The following DGKB variants were observed in gnomAD, a reference collection of about 807,000 sequenced individuals.
DGKB encodes the protein diacylglycerol kinase beta, also known as 90 kDa diacylglycerol kinase.
DGKB carries 67 observed loss-of-function variants against 114.3 expected under a neutral mutation model. That is an observed-to-expected ratio of 0.59 (90% confidence interval 0.48 to 0.72). The LOEUF (loss-of-function observed/expected upper bound fraction) is 0.72. DGKB is among the 30% of genes least tolerant of loss of function. The probability of loss-of-function intolerance (pLI) is 0.00; values close to 1 mark genes in which losing one functional copy is unlikely to be tolerated. For synonymous variants in DGKB, 398 were observed against 323.1 expected, an observed-to-expected ratio of 1.23 and a Z score of -2.49; for missense variants, 907 against 975.2, an observed-to-expected ratio of 0.93 and a Z score of 0.93.
intron 23 of DGKB, among the ~76,000 whole-genome samples, chr7:14,275,437 T>C (rs1798858449): frequency 6.6e-6 from 1 of 152,218 alleles, no homozygotes; most frequent in African/African-American, 2.4e-5. Flanking sequence ...CTTCAACTAA[T>C]CCAGGCTTAC....
intron 13 of DGKB, among the ~76,000 whole-genome samples, chr7:14,648,288 C>A (rs1454546573): frequency 2.6e-5 from 4 of 152,292 alleles, no homozygotes; most frequent in East Asian, 3.9e-4. Flanking sequence ...CAGCATGCAG[C>A]TGGAGATCTG....
intron 1 of DGKB, among the ~76,000 whole-genome samples, chr7:14,844,357 A>G (rs568590443): frequency 6.6e-6 from 1 of 152,326 alleles, no homozygotes; most frequent in African/African-American, 2.4e-5. Context: ...AGACAGGGGT[A>G]AGCAAATAAC....
At chr7:14,703,775 C>G (rs1316384327) in intron 6 of DGKB, among the ~76,000 whole-genome samples, 1 of 152,126 alleles carries the variant, frequency 6.6e-6, no homozygotes, top group Non-Finnish European at 1.5e-5. Flanking sequence ...TTGTTCTCTA[C>G]CTCTCCCAGT....
At chr7:14,740,258 A>G (rs1318534538) in intron 4 of DGKB, among the ~76,000 whole-genome samples, 1 of 144,852 alleles carries the variant, frequency 6.9e-6, no homozygotes, top group Admixed American at 6.9e-5. Context: ...TTTTTTCTCC[A>G]CAAGGTCAGG....
intron 6 of DGKB, among the ~76,000 whole-genome samples, chr7:14,715,276 A>G (rs1245221032): frequency 2.0e-5 from 3 of 152,202 alleles, no homozygotes; most frequent in Non-Finnish European, 4.4e-5. Flanking sequence ...TTTTGGAATA[A>G]TAGCAGTTCT....
chr7:14,896,372 T>C (rs1164127914), intron 1 of DGKB, among the ~76,000 whole-genome samples: 1 of 151,702 alleles, frequency 6.6e-6, no homozygotes, highest in Non-Finnish European at 1.5e-5. Flanking sequence ...AATAGTTACC[T>C]CTTTTTATAT....
chr7:14,494,848 T>C (rs1785078784), intron 20 of DGKB, among the ~76,000 whole-genome samples: 1 of 151,872 alleles, frequency 6.6e-6, no homozygotes. Flanking sequence ...AAAAAATACA[T>C]ACACTTGACC....
chr7:14,392,941 A>G (rs1046623170), intron 21 of DGKB, among the ~76,000 whole-genome samples: 2 of 151,128 alleles, frequency 1.3e-5, no homozygotes, highest in Non-Finnish European at 3.0e-5. Flanking sequence ...CATTTCAGGG[A>G]AGGGCTCAGC....
intron 21 of DGKB, among the ~76,000 whole-genome samples, chr7:14,396,355 A>G (rs1563095595): frequency 6.6e-6 from 1 of 152,160 alleles, no homozygotes; most frequent in Non-Finnish European, 1.5e-5. Flanking sequence ...CTTACATGGA[A>G]CAAATAGTTT....
intron 12 of DGKB, among the ~76,000 whole-genome samples, chr7:14,674,027 A>G (rs1324279207): frequency 6.6e-6 from 1 of 152,164 alleles, no homozygotes; most frequent in African/African-American, 2.4e-5. Flanking sequence ...TTAATTATCA[A>G]CTAAGCATAG....
At chr7:14,385,131 A>C (rs892482770) in intron 21 of DGKB, among the ~76,000 whole-genome samples, 6 of 152,112 alleles carry the variant, frequency 3.9e-5, no homozygotes, top group African/African-American at 1.4e-4. Context: ...TAGTAGCTCA[A>C]AGTTTTCCAT....
chr7:14,699,942 C>T (rs1824817307), intron 7 of DGKB, among the ~76,000 whole-genome samples: 1 of 150,472 alleles, frequency 6.6e-6, no homozygotes, highest in South Asian at 2.1e-4. Flanking sequence ...TTCAAATCAA[C>T]TGCCAACCCA....
chr7:14,965,998 G>A (rs1482785533), intron 1 of DGKB, among the ~76,000 whole-genome samples: 2 of 151,752 alleles, frequency 1.3e-5, no homozygotes, highest in African/African-American at 4.8e-5. Flanking sequence ...TTTTCTTTAA[G>A]AATAGGTTTA....
At chr7:14,783,957 T>C (rs1839489968) in intron 2 of DGKB, among the ~76,000 whole-genome samples, 1 of 152,206 alleles carries the variant, frequency 6.6e-6, no homozygotes, top group Non-Finnish European at 1.5e-5. Context: ...AAAATTGATT[T>C]GAGGAAATTT....
At chr7:14,818,846 G>C (rs1443884712) in intron 2 of DGKB, among the ~76,000 whole-genome samples, 1 of 152,154 alleles carries the variant, frequency 6.6e-6, no homozygotes, top group Non-Finnish European at 1.5e-5. Flanking sequence ...AGGATTTGAG[G>C]AGGAGAGAAA....
chr7:14,287,566 G>T (rs1261429300), intron 23 of DGKB, among the ~76,000 whole-genome samples: 2 of 152,114 alleles, frequency 1.3e-5, no homozygotes, highest in African/African-American at 2.4e-5. Context: ...CTACATGACT[G>T]ATAATGAAAC....
chr7:14,704,054 A>G (rs373254400), intron 6 of DGKB, among the ~76,000 whole-genome samples: 3 of 149,900 alleles, frequency 2.0e-5, no homozygotes, highest in African/African-American at 7.6e-5. Flanking sequence ...ATCCTCCCCC[A>G]TCATTATTTT....
At chr7:14,551,919 A>T (rs181410575) in intron 20 of DGKB, among the ~76,000 whole-genome samples, 20 of 152,282 alleles carry the variant, frequency 1.3e-4, no homozygotes. Context: ...TCACAAATTA[A>T]ATTGAAAGAT....
intron 4 of DGKB, among the ~76,000 whole-genome samples, chr7:14,742,748 T>TA (rs1457993619): frequency 6.6e-6 from 1 of 152,214 alleles, no homozygotes; most frequent in Non-Finnish European, 1.5e-5. Context: ...TGCTAAGAGT[T>TA]ACCATTATAA....
Sources: gnomAD v4.1 joint callset for allele counts (sites outside exome capture counted in the v4.1 genomes callset) on GRCh38, gnomAD v4.1.1 for gene constraint, MANE v1.5 for transcripts, NCBI Gene and HGNC (gene_info 2026-07-23, HGNC 2026-07-21) for gene names.